The following CABLES1 variants were observed in gnomAD, a reference collection of about 807,000 sequenced individuals.
The protein encoded by CABLES1 is Cdk5 and Abl enzyme substrate 1, also known as CDK5 and ABL1 enzyme substrate 1.
CABLES1 carries 36 observed loss-of-function variants against 57.8 expected under a neutral mutation model. That is an observed-to-expected ratio of 0.62 (90% CI 0.48 to 0.82). The LOEUF is 0.82. Among genes scored for constraint, CABLES1 ranks in the 40% least tolerant of loss-of-function variants. CABLES1 has a pLI of 0.00. For synonymous variants in CABLES1, 374 were observed against 363.0 expected (o/e 1.03, Z -0.35); for missense variants, 767 against 836.6 (o/e 0.92, Z 1.03).
At chr18:23,220,846 T>A (rs1328417663) in intron 4 of CABLES1, among the ~76,000 whole-genome samples, 1 of 152,182 alleles carries the variant, frequency 6.6e-6, no homozygotes, top group East Asian at 1.9e-4. Context: ...TGAAAAATAA[T>A]CTGTGTAATT....
At chr18:23,186,589 C>A (rs1203863027) in intron 1 of CABLES1, among the ~76,000 whole-genome samples, 1 of 152,046 alleles carries the variant, frequency 6.6e-6, no homozygotes, top group Non-Finnish European at 1.5e-5. Flanking sequence ...CCACACCTGG[C>A]TAATTTTGTA....
chr18:23,159,989 C>T (rs1394939928), intron 1 of CABLES1, among the ~76,000 whole-genome samples: 1 of 151,146 alleles, frequency 6.6e-6, no homozygotes, highest in Non-Finnish European at 1.5e-5. Context: ...TTGAAATTAC[C>T]TAAATAAGAT....
intron 1 of CABLES1, among the ~76,000 whole-genome samples, chr18:23,171,374 G>A (rs927735630): frequency 6.6e-6 from 1 of 152,212 alleles, no homozygotes; most frequent in Non-Finnish European, 1.5e-5. Flanking sequence ...GTGGATGACT[G>A]AATGCATCAA....
intron 3 of CABLES1, among the ~76,000 whole-genome samples, chr18:23,195,059 A>G (rs2047272397): frequency 6.6e-6 from 1 of 152,164 alleles, no homozygotes; most frequent in Non-Finnish European, 1.5e-5. Flanking sequence ...CAACATCTGG[A>G]GTATGTGTTT....
chr18:23,220,142 C>T (rs2047475867), intron 4 of CABLES1, among the ~76,000 whole-genome samples: 1 of 152,160 alleles, frequency 6.6e-6, no homozygotes, highest in Non-Finnish European at 1.5e-5. Flanking sequence ...TATCTAACAG[C>T]CACCGCAGTC....
At chr18:23,167,165 T>C (rs997809006) in intron 1 of CABLES1, among the ~76,000 whole-genome samples, 1 of 152,156 alleles carries the variant, frequency 6.6e-6, no homozygotes, top group Non-Finnish European at 1.5e-5. Flanking sequence ...TGCTTTAATA[T>C]TTTTATGTTT....
rs1191200123 is a variant in CABLES1 at position 23,157,621 on chromosome 18, T to A, written c.845+21014T>A. ...GGAAGAGTGCCTTAAATGATGGAATTTAAATGCTGACATCATATTTTAATA... is the reference window on the plus strand; with the variant it reads ...GGAAGAGTGCCTTAAATGATGGAATATAAATGCTGACATCATATTTTAATA... On this transcript the variant is annotated intron_variant, in intron 1 of 9. Coordinates refer to ENST00000256925, the MANE Select transcript of CABLES1 (RefSeq NM_001100619.3). Among the ~76,000 whole-genome samples the A allele has an allele frequency of 5.3e-5, 8 of 152,290 alleles. No individual in the cohort carries two copies. The South Asian group carries it at 1.7e-3, about 32-fold the overall frequency.
intron 1 of CABLES1, among the ~76,000 whole-genome samples, chr18:23,170,707 G>A (rs1283026883): frequency 2.6e-5 from 4 of 152,186 alleles, no homozygotes; most frequent in Non-Finnish European, 5.9e-5. Context: ...GCTTCAAAGG[G>A]CGTTGTGAAA....
chr18:23,207,341 T>C (rs571332598), intron 3 of CABLES1, among the ~76,000 whole-genome samples: 7 of 152,294 alleles, frequency 4.6e-5, no homozygotes, highest in Admixed American at 2.0e-4. Flanking sequence ...GAACATTTAT[T>C]ATTCACTCAG....
intron 4 of CABLES1, among the ~76,000 whole-genome samples, chr18:23,225,752 T>C (rs2145070104): frequency 6.6e-6 from 1 of 152,366 alleles, no homozygotes; most frequent in East Asian, 1.9e-4. Flanking sequence ...CGGCCTTCTC[T>C]TTTCTAGTGT....
At position 23,151,261 on chromosome 18, in the gene CABLES1, G is replaced by A. The variant is rs535685240; in HGVS notation, c.845+14654G>A. 1.2e-4 allele frequency among the ~76,000 whole-genome samples: 19 copies of A among 152,076 alleles called. 1 individual carries two copies. In the South Asian group the frequency reaches 3.1e-3, roughly 25 times the overall value. ...TCTCGATCTCTTGACCTCATGATCC[G>A]CCTGCCTCGGCCTCCCAAAGTGCTG... is the stretch of plus-strand genomic sequence containing the variant. On this transcript the variant is annotated intron_variant, in intron 1 of 9. Coordinates refer to ENST00000256925, the MANE Select transcript of CABLES1 (RefSeq NM_001100619.3).
chr18:23,219,291 C>A (rs567249156), intron 4 of CABLES1: 67 of 454,020 alleles, frequency 1.5e-4, no homozygotes, highest in Non-Finnish European at 2.4e-4. Flanking sequence ...GTAAACCAAT[C>A]ATCAAACAAA....
chr18:23,257,701 C>G lies in CABLES1; in HGVS notation c.*334C>G, dbSNP rs2048200869. The G allele has an allele frequency of 4.3e-6, 1 of 230,220 alleles. No homozygotes were observed. The highest frequency in any genetic ancestry group is 1.2e-4 in the South Asian group (1 of 8,060). 14.3% of individuals were successfully genotyped at this position (230,220 alleles called of 1,614,324 possible). Reference sequence around the variant, plus strand: ...AAACTTTGCAAGCGTGGTCCAGGGCCTTCTCCAGATCTGTTCCAACTTGGA... The same window carrying G: ...AAACTTTGCAAGCGTGGTCCAGGGCGTTCTCCAGATCTGTTCCAACTTGGA... On this transcript the variant is annotated 3_prime_UTR_variant, in exon 10 of 10. Transcript: ENST00000256925.
intron 1 of CABLES1, among the ~76,000 whole-genome samples, chr18:23,186,968 G>A (rs2047207279): frequency 6.6e-6 from 1 of 152,198 alleles, no homozygotes; most frequent in Admixed American, 6.5e-5. Flanking sequence ...GATTTCAGAG[G>A]GCTGTGTCTC....
At chr18:23,175,885 A>C (rs1383795356) in intron 1 of CABLES1, among the ~76,000 whole-genome samples, 1 of 152,224 alleles carries the variant, frequency 6.6e-6, no homozygotes, top group East Asian at 1.9e-4. Context: ...CAAAGAAAGA[A>C]AGACATAGTT....
intron 3 of CABLES1, among the ~76,000 whole-genome samples, chr18:23,199,538 A>G (rs760174759): frequency 2.0e-5 from 3 of 152,258 alleles, no homozygotes; most frequent in Admixed American, 6.5e-5. Context: ...GTACTGATAC[A>G]TGCTACAATG....
rs34690271 is a variant in CABLES1, at chr18:23,205,181, CTTTTTTTTTT to C, written c.1011-8781_1011-8772del. 1.8e-4 allele frequency among the ~76,000 whole-genome samples: 15 copies of C among 81,188 alleles called. No individual in the cohort carries two copies. The Admixed American group carries it at 2.3e-3, about 12-fold the overall frequency. The allele number at this position is 81,188 out of a possible 152,430, so 53.3% of individuals were successfully genotyped here. A position where few individuals can be genotyped will look rare whatever the true frequency, so the allele number is the denominator to read the frequency against. On this transcript the variant is annotated intron_variant, in intron 3 of 9. Transcript: ENST00000256925. Reference sequence around the variant, plus strand: ...AATTCCAAAAGGACTTCATTCCTGACTTTTTTTTTTTTTTTTTTTTTTTTGAGACGGCATC... The same window carrying C: ...AATTCCAAAAGGACTTCATTCCTGACTTTTTTTTTTTTTTGAGACGGCATC...
At chr18:23,237,279 C>T (rs982000139) in intron 7 of CABLES1, 34 bp downstream of exon 7, 5 of 1,425,622 alleles carry the variant, frequency 3.5e-6, no homozygotes, top group African/African-American at 2.8e-5. Context: ...CCGTTTGCTG[C>T]ACCGTCAGTT....
intron 3 of CABLES1, among the ~76,000 whole-genome samples, chr18:23,206,866 A>G (rs1029855430): frequency 6.0e-5 from 9 of 149,296 alleles, no homozygotes; most frequent in African/African-American, 2.2e-4. Context: ...CCAGGAATAC[A>G]GTGGCACAAT....
Sources: allele counts gnomAD v4.1 joint callset (sites outside exome capture counted in the v4.1 genomes callset), GRCh38; gene constraint gnomAD v4.1.1; transcripts MANE v1.5; gene names NCBI Gene and HGNC (gene_info 2026-07-23, HGNC 2026-07-21).